The following SSBP3 variants were observed in gnomAD, a reference collection of about 807,000 sequenced individuals.
SSBP3 encodes single-stranded DNA-binding protein 3.
A neutral mutation model predicts 69.6 loss-of-function variants in SSBP3; 5 were observed. That is an observed-to-expected ratio of 0.07 (90% confidence interval 0.04 to 0.15). The LOEUF is 0.15. Among genes scored for constraint, SSBP3 ranks in the 10% least tolerant of loss-of-function variants. The pLI, the probability that SSBP3 is intolerant of heterozygous loss-of-function variation, is 1.00. For missense variants in SSBP3, 312 were observed against 534.0 expected, an observed-to-expected ratio of 0.58 and a Z score of 4.10; for synonymous variants, 196 against 193.4, an observed-to-expected ratio of 1.01 and a Z score of -0.11.
chr1:54,406,000 G>A (rs1293305460), exon 1 of SSBP3: 5 of 1,481,528 alleles, frequency 3.4e-6, no homozygotes, highest in African/African-American at 1.5e-5. Flanking sequence ...CTTTGCCTTT[G>A]GCAAACATGG....
chr1:54,401,338 A>G (rs1339483234), intron 4 of SSBP3, among the ~76,000 whole-genome samples: 2 of 152,004 alleles, frequency 1.3e-5, no homozygotes, highest in East Asian at 1.9e-4. Flanking sequence ...TCAGAGTACA[A>G]ATCGTCTTAG....
At chr1:54,259,824 C>T (rs373346059) in intron 5 of SSBP3, among the ~76,000 whole-genome samples, 8 of 152,208 alleles carry the variant, frequency 5.3e-5, no homozygotes, top group Non-Finnish European at 7.3e-5. Flanking sequence ...CGGAAAGCTC[C>T]GAGGAGCAGA....
chr1:54,394,772 G>C (rs1452747708), intron 4 of SSBP3, among the ~76,000 whole-genome samples: 3 of 141,222 alleles, frequency 2.1e-5, no homozygotes, highest in East Asian at 2.1e-4. Flanking sequence ...GCGCCATCTC[G>C]GCTCACTGCA....
chr1:54,234,482 G>A (rs1644451929), intron 14 of SSBP3, among the ~76,000 whole-genome samples: 1 of 152,110 alleles, frequency 6.6e-6, no homozygotes. Flanking sequence ...CAGCTACTCA[G>A]GAAGCTGTGG....
chr1:54,399,342 G>A (rs150292025), intron 4 of SSBP3, among the ~76,000 whole-genome samples: 6 of 152,348 alleles, frequency 3.9e-5, no homozygotes, highest in African/African-American at 1.4e-4. Flanking sequence ...CTCCATGTGT[G>A]TGCATTCTAA....
intron 4 of SSBP3, among the ~76,000 whole-genome samples, chr1:54,356,016 C>T (rs1355042268): frequency 1.3e-5 from 2 of 152,174 alleles, no homozygotes; most frequent in Non-Finnish European, 2.9e-5. Flanking sequence ...GCAGAGAAAC[C>T]AGCTGGAGAG....
At chr1:54,268,764 G>T (rs960625941) in intron 5 of SSBP3, among the ~76,000 whole-genome samples, 1 of 152,208 alleles carries the variant, frequency 6.6e-6, no homozygotes, top group African/African-American at 2.4e-5. Context: ...GATGGAGCAG[G>T]GGAAGAACCA....
chr1:54,348,715 A>T (rs559874285), intron 4 of SSBP3, among the ~76,000 whole-genome samples: 1 of 152,220 alleles, frequency 6.6e-6, no homozygotes, highest in African/African-American at 2.4e-5. Flanking sequence ...GTCATGGGGC[A>T]GCGGGGCAGA....
At chr1:54,308,767 CA>C (rs1190626099) in intron 4 of SSBP3, among the ~76,000 whole-genome samples, 3 of 149,270 alleles carry the variant, frequency 2.0e-5, no homozygotes, top group Non-Finnish European at 3.0e-5. Flanking sequence ...GACTCAGTCT[CA>C]AAAAAAAAGA....
intron 9 of SSBP3, among the ~76,000 whole-genome samples, 172 bp downstream of exon 9, chr1:54,251,444 C>T (rs1033631676): frequency 4.6e-5 from 7 of 152,222 alleles, no homozygotes; most frequent in African/African-American, 1.4e-4. Context: ...CTGGGCAGCG[C>T]GTGAAGCCAG....
intron 17 of SSBP3, among the ~76,000 whole-genome samples, chr1:54,227,701 C>A (rs1315582279): frequency 6.6e-6 from 1 of 152,194 alleles, no homozygotes; most frequent in Non-Finnish European, 1.5e-5. Flanking sequence ...CCTTAGCCTC[C>A]CAAGTAGCTG....
intron 4 of SSBP3, among the ~76,000 whole-genome samples, chr1:54,353,271 GAAATCA>G (rs1646811791): frequency 6.6e-6 from 1 of 152,136 alleles, no homozygotes; most frequent in Non-Finnish European, 1.5e-5. Context: ...TCTTTCCGTC[GAAATCA>G]GGCCCATTGC....
At chr1:54,322,120 C>T (rs1557530032) in intron 4 of SSBP3, among the ~76,000 whole-genome samples, 1 of 152,166 alleles carries the variant, frequency 6.6e-6, no homozygotes, top group African/African-American at 2.4e-5. Context: ...TTTATGACAC[C>T]ACTGTACAAG....
chr1:54,310,409 C>T (rs1020600673), intron 4 of SSBP3, among the ~76,000 whole-genome samples: 4 of 151,962 alleles, frequency 2.6e-5, no homozygotes, highest in African/African-American at 9.7e-5. Context: ...GGGGGGTGGG[C>T]TGGGGGAAAA....
At chr1:54,232,500 C>T (rs1644397114) in intron 14 of SSBP3, among the ~76,000 whole-genome samples, 2 of 152,164 alleles carry the variant, frequency 1.3e-5, no homozygotes, top group Admixed American at 1.3e-4. Flanking sequence ...GAGGCTGAGG[C>T]AGGAGGATCA....
intron 4 of SSBP3, among the ~76,000 whole-genome samples, chr1:54,396,630 C>T (rs578215010): frequency 6.6e-6 from 1 of 152,148 alleles, no homozygotes; most frequent in Admixed American, 6.5e-5. Context: ...GTGGGGAGAG[C>T]TGGGTATCTC....
chr1:54,235,273 GTTTTTTTTTTTT>G (rs200538399), intron 14 of SSBP3, among the ~76,000 whole-genome samples: 7,992 of 112,138 alleles, frequency 0.071, 581 homozygotes, highest in African/African-American at 0.21. Context: ...AAGATGTCCA[GTTTTTTTTTTTT>G]TTTTTTTTTT....
intron 4 of SSBP3, among the ~76,000 whole-genome samples, chr1:54,350,327 C>A (rs1208716742): frequency 6.6e-6 from 1 of 152,228 alleles, no homozygotes; most frequent in Non-Finnish European, 1.5e-5. Flanking sequence ...CTGAATGCTT[C>A]TTTTTGAAAG....
chr1:54,396,529 G>T (rs960995592), intron 4 of SSBP3, among the ~76,000 whole-genome samples: 1 of 152,072 alleles, frequency 6.6e-6, no homozygotes, highest in Non-Finnish European at 1.5e-5. Flanking sequence ...CAGAGGCAGG[G>T]AAGTCATGGG....
Sources: gnomAD v4.1 joint callset for allele counts (sites outside exome capture counted in the v4.1 genomes callset) on GRCh38, gnomAD v4.1.1 for gene constraint, MANE v1.5 for transcripts, NCBI Gene and HGNC (gene_info 2026-07-23, HGNC 2026-07-21) for gene names.